Variants in ZBTB7C observed in about 807,000 individuals in gnomAD.
ZBTB7C encodes the protein zinc finger and BTB domain-containing protein 7C.
A neutral mutation model predicts 25.7 loss-of-function variants in ZBTB7C; 8 were observed. The ratio of observed to expected loss-of-function variants is 0.31; its 90% CI spans 0.18 to 0.56. ZBTB7C has a LOEUF of 0.56. Among genes scored for constraint, ZBTB7C ranks in the 20% least tolerant of loss-of-function variants. The pLI is 0.91. For missense variants in ZBTB7C, 824 were observed against 855.2 expected (o/e 0.96, Z 0.46); for synonymous variants, 394 against 369.0 (o/e 1.07, Z -0.78).
chr18:48,098,618 C>G (rs753357230), intron 3 of ZBTB7C, among the ~76,000 whole-genome samples: 1 of 152,088 alleles, frequency 6.6e-6, no homozygotes, highest in African/African-American at 2.4e-5. Context: ...GTGGATTCTC[C>G]GCTCCCATCC....
rs192903011 is a variant in ZBTB7C at position 48,194,763 on chromosome 18, G to C, written c.-78-8768C>G. ...GGAGGGCAGCTGAGGAACCCCAAAT[G>C]CCCGCCAGCTGACTCTGGGCTTGAG... On this transcript the variant is annotated intron_variant, in intron 2 of 4. Transcript: ENST00000590800. Among the ~76,000 whole-genome samples the C allele has an allele frequency of 1.2e-4, 19 of 152,180 alleles. No homozygotes were observed. The East Asian group carries it at 3.3e-3, about 26-fold the overall frequency.
At chr18:48,220,299 G>A (rs1416143730) in intron 2 of ZBTB7C, among the ~76,000 whole-genome samples, 1 of 152,234 alleles carries the variant, frequency 6.6e-6, no homozygotes, top group Non-Finnish European at 1.5e-5. Context: ...GCTCAGTCAA[G>A]CACCACTTTA....
intron 2 of ZBTB7C, among the ~76,000 whole-genome samples, chr18:48,293,295 C>G (rs373189097): frequency 4.6e-5 from 7 of 152,316 alleles, no homozygotes; most frequent in African/African-American, 1.4e-4. Context: ...TGTCTCCAGT[C>G]TGTTCCTCTT....
intron 2 of ZBTB7C, among the ~76,000 whole-genome samples, chr18:48,292,075 G>A (rs1380056524): frequency 6.6e-6 from 1 of 152,008 alleles, no homozygotes; most frequent in Non-Finnish European, 1.5e-5. Flanking sequence ...GTGGGTGCCT[G>A]TAATTCCTGC....
At chr18:48,108,784 G>A (rs190546421) in intron 3 of ZBTB7C, among the ~76,000 whole-genome samples, 4 of 152,008 alleles carry the variant, frequency 2.6e-5, no homozygotes, top group African/African-American at 4.8e-5. Context: ...TGTGTGGGAC[G>A]GGCCTTCTGG....
chr18:48,052,779 G>A (rs951358106), intron 3 of ZBTB7C, among the ~76,000 whole-genome samples: 1 of 152,156 alleles, frequency 6.6e-6, no homozygotes, highest in Non-Finnish European at 1.5e-5. Context: ...TTGAGCTTCA[G>A]TTTCTTCTTT....
rs990264191 is a variant in ZBTB7C at position 48,029,066 on chromosome 18, C to T, written c.*194G>A. On this transcript the variant is annotated 3_prime_UTR_variant, in exon 5 of 5. Transcript: ENST00000590800. ...CTCCTGGCCTTTTGGGAAAAGATGC[C>T]CGTCTCAGACCAGCAAAAGGAGGCA... The T allele has an allele frequency of 1.3e-6, 1 of 789,798 alleles. No homozygotes were observed. The highest frequency in any genetic ancestry group is 1.9e-5 in the African/African-American group (1 of 53,518). The allele number at this position is 789,798 out of a possible 1,614,324, so 48.9% of individuals were successfully genotyped here.
intron 3 of ZBTB7C, among the ~76,000 whole-genome samples, chr18:48,131,482 G>T (rs79272944): frequency 0.063 from 9,496 of 150,588 alleles, 952 homozygotes; most frequent in African/African-American, 0.22. Flanking sequence ...TTTTTTTTTT[G>T]TGTGTAATGT....
intron 3 of ZBTB7C, 120 bp downstream of exon 3, chr18:48,185,814 G>A (rs75199371): frequency 6.6e-6 from 1 of 152,186 alleles, no homozygotes; most frequent in Non-Finnish European, 1.5e-5. Flanking sequence ...GAAGCTTCCA[G>A]AAGAAGAACC....
chr18:48,395,248 GGAGA>G (rs1045625680), intron 1 of ZBTB7C, among the ~76,000 whole-genome samples: 48 of 148,170 alleles, frequency 3.2e-4, no homozygotes, highest in Admixed American at 7.5e-4. Flanking sequence ...TCTCGTTTAA[GGAGA>G]GAGAGAGAGA....
chr18:48,141,815 C>T (rs897790588), intron 3 of ZBTB7C, among the ~76,000 whole-genome samples: 3 of 152,196 alleles, frequency 2.0e-5, no homozygotes, highest in Admixed American at 6.5e-5. Flanking sequence ...CCTCTTCCTT[C>T]GTGGCCCCTC....
At chr18:48,132,541 C>T (rs890256316) in intron 3 of ZBTB7C, among the ~76,000 whole-genome samples, 2 of 152,180 alleles carry the variant, frequency 1.3e-5, no homozygotes, top group Non-Finnish European at 2.9e-5. Context: ...ATTGAATTTA[C>T]ACTTTAAATG....
At chr18:48,372,009 C>G (rs538238915) in intron 1 of ZBTB7C, among the ~76,000 whole-genome samples, 1 of 152,194 alleles carries the variant, frequency 6.6e-6, no homozygotes, top group Non-Finnish European at 1.5e-5. Flanking sequence ...CATCCACCAG[C>G]GGCTCTGCCC....
chr18:48,090,097 T>C (rs1208394795), intron 3 of ZBTB7C, among the ~76,000 whole-genome samples: 3 of 152,214 alleles, frequency 2.0e-5, no homozygotes, highest in Admixed American at 6.5e-5. Context: ...GTGGGACCCA[T>C]CGCGGGAAGT....
chr18:48,310,179 G>T (rs7236485), intron 2 of ZBTB7C, among the ~76,000 whole-genome samples: 1 of 151,144 alleles, frequency 6.6e-6, no homozygotes, highest in East Asian at 1.9e-4. Context: ...GCAGTGAGCC[G>T]AGATCACGCC....
intron 2 of ZBTB7C, among the ~76,000 whole-genome samples, chr18:48,198,628 C>T (rs1012132108): frequency 2.0e-5 from 3 of 152,192 alleles, no homozygotes; most frequent in African/African-American, 4.8e-5. Flanking sequence ...TATTGCCTCC[C>T]TCTGACCTCT....
At chr18:48,408,077 A>G (rs938587955) in intron 1 of ZBTB7C, among the ~76,000 whole-genome samples, 2 of 152,134 alleles carry the variant, frequency 1.3e-5, no homozygotes, top group African/African-American at 4.8e-5. Context: ...GAAGCACCAG[A>G]AACTCCGGCT....
intron 3 of ZBTB7C, among the ~76,000 whole-genome samples, chr18:48,152,363 C>A (rs1453472532): frequency 6.6e-6 from 1 of 151,924 alleles, no homozygotes; most frequent in Non-Finnish European, 1.5e-5. Context: ...AGGTTGTTGA[C>A]TAGAACTATA....
intron 1 of ZBTB7C, among the ~76,000 whole-genome samples, chr18:48,401,974 C>T (rs1028866097): frequency 6.6e-6 from 1 of 152,180 alleles, no homozygotes; most frequent in Admixed American, 6.5e-5. Context: ...CTTCAAGCCA[C>T]CAAGGCCCCA....
Sources: allele counts gnomAD v4.1 joint callset (sites outside exome capture counted in the v4.1 genomes callset), GRCh38; gene constraint gnomAD v4.1.1; transcripts MANE v1.5; gene names NCBI Gene and HGNC (gene_info 2026-07-23, HGNC 2026-07-21).